Variants in SGK3 observed in about 807,000 individuals in gnomAD.
SGK3 encodes serum/glucocorticoid regulated kinase family member 3.
In SGK3, 47 loss-of-function variants were observed where a neutral mutation model predicts 68.5. That is an observed-to-expected ratio of 0.69 (90% CI 0.54 to 0.87). The LOEUF (loss-of-function observed/expected upper bound fraction) is 0.87, where lower values mean the gene tolerates loss of function less well. Ranked by LOEUF, SGK3 falls within the 40% of genes least tolerant of loss-of-function variation. SGK3 has a pLI of 0.00. For missense variants in SGK3, 479 were observed against 575.5 expected (o/e 0.83, Z 1.72); for synonymous variants, 181 against 189.1 (o/e 0.96, Z 0.35).
chr8:66,801,240 C>T (rs1807932657), intron 3 of SGK3, among the ~76,000 whole-genome samples: 1 of 152,176 alleles, frequency 6.6e-6, no homozygotes, highest in African/African-American at 2.4e-5. Context: ...GTGAGCATTT[C>T]CTTTGAGCAC....
chr8:66,729,413 G>A (rs965118606), intron 1 of SGK3, among the ~76,000 whole-genome samples: 4 of 151,572 alleles, frequency 2.6e-5, no homozygotes, highest in Admixed American at 6.6e-5. Context: ...CCGAGATCGC[G>A]CCACTGCACT....
rs34499404 is a variant in SGK3, at chr8:66,756,569, C to CTTT, written c.-121-37021_-121-37019dup. The stretch of plus-strand genomic sequence containing the variant: ...ATCTTGAAATTGAGGCATGCATCTA[C>CTTT]TTTTTTTTTTTTTTTTTTTTTTTTT... On this transcript the variant is annotated intron_variant, in intron 1 of 16. Transcript: ENST00000521198. Among the ~76,000 whole-genome samples the CTTT allele has an allele frequency of 4.2e-3, 329 of 77,930 alleles. 60 individuals carry two copies. The highest frequency in any genetic ancestry group is 7.5e-3 in the Non-Finnish European group (292 of 38,694). 51.1% of individuals were successfully genotyped at this position (77,930 alleles called of 152,430 possible). A position where few individuals can be genotyped will look rare whatever the true frequency, so the allele number is the denominator to read the frequency against.
chr8:66,796,906 G>A (rs911322069), intron 2 of SGK3, among the ~76,000 whole-genome samples: 1 of 149,626 alleles, frequency 6.7e-6, no homozygotes, highest in African/African-American at 2.5e-5. Context: ...ACTGTTTCCT[G>A]TGAAATCTAA....
chr8:66,774,262 G>C (rs1333194654), intron 1 of SGK3, among the ~76,000 whole-genome samples: 1 of 152,100 alleles, frequency 6.6e-6, no homozygotes, highest in African/African-American at 2.4e-5. Context: ...TTGTAATAAA[G>C]GTTACCGTAT....
intron 1 of SGK3, among the ~76,000 whole-genome samples, chr8:66,750,606 T>C (rs1805784557): frequency 6.6e-6 from 1 of 151,770 alleles, no homozygotes; most frequent in East Asian, 1.9e-4. Context: ...TGAGAATCAC[T>C]TGAACCTGGG....
At chr8:66,717,228 CAAAAAAAACAAAAAA>C (rs1804661706) in intron 1 of SGK3, among the ~76,000 whole-genome samples, 3 of 109,972 alleles carry the variant, frequency 2.7e-5, no homozygotes, top group African/African-American at 1.6e-4. Flanking sequence ...ACAAAAAAAA[CAAAAAAAACAAAAAA>C]AAAACGCTGG....
At position 66,760,463 on chromosome 8, in the gene SGK3, T is replaced by C. The variant is rs192599639; in HGVS notation, c.-121-33153T>C. On this transcript the variant is annotated intron_variant, in intron 1 of 16. Transcript: ENST00000521198. ...CATTCTCCTACCTCAGCCTCCTGAG[T>C]AGCTGGGACTACAGGTGCCCGCCAC... 2.4e-3 allele frequency among the ~76,000 whole-genome samples: 366 copies of C among 151,376 alleles called. 3 individuals carry two copies. The highest frequency in any genetic ancestry group is 8.5e-3 in the African/African-American group (350 of 41,278).
chr8:66,744,510 TA>T (rs1563605632), intron 1 of SGK3, among the ~76,000 whole-genome samples: 100 of 30,650 alleles, frequency 3.3e-3, no homozygotes, highest in African/African-American at 0.01. Context: ...TATATATATA[TA>T]TATATATATT....
rs1209273483 is a variant in SGK3 at position 66,840,114 on chromosome 8, A to G, written c.853A>G (p.Arg285Gly). The change falls in exon 11 of 17, where the codon AGA becomes GGA. Residue 285 changes from arginine (R) to glycine (G), a missense_variant and splice_region_variant. Coordinates refer to ENST00000521198, the MANE Select transcript of SGK3 (RefSeq NM_001033578.3). ...CTTACATTCCATCAAAATAGTATACAGGTACAATTTTAAAATATACTTGTA... is the reference window on the plus strand; with the variant it reads ...CTTACATTCCATCAAAATAGTATACGGGTACAATTTTAAAATATACTTGTA... ...GYLHSIKIVYRDLKPENILLD... is the reference protein window; with the variant it reads ...GYLHSIKIVYGDLKPENILLD... 6.2e-7 allele frequency: 1 copy of G among 1,611,720 alleles called. No individual in the cohort carries two copies. The highest frequency in any genetic ancestry group is 8.5e-7 in the Non-Finnish European group (1 of 1,179,260).
chr8:66,777,513 A>G (rs1806759934), intron 1 of SGK3, among the ~76,000 whole-genome samples: 1 of 152,222 alleles, frequency 6.6e-6, no homozygotes, highest in South Asian at 2.1e-4. Context: ...ACCCAGGAAT[A>G]AAATCTTGAG....
chr8:66,815,124 A>G (rs1327277768), intron 5 of SGK3, among the ~76,000 whole-genome samples: 1 of 152,232 alleles, frequency 6.6e-6, no homozygotes, highest in Non-Finnish European at 1.5e-5. Flanking sequence ...TACCATTTAT[A>G]TGGTTCTTTA....
At chr8:66,816,604 A>C (rs6996237) in intron 5 of SGK3, among the ~76,000 whole-genome samples, 3,755 of 152,204 alleles carry the variant, frequency 0.025, 157 homozygotes, top group African/African-American at 0.084. Flanking sequence ...TCGGCCTCCC[A>C]AAGTGCTGGG....
chr8:66,813,646 T>C (rs1808467596), intron 4 of SGK3, among the ~76,000 whole-genome samples: 1 of 149,226 alleles, frequency 6.7e-6, no homozygotes, highest in Non-Finnish European at 1.5e-5. Context: ...TATAACTACA[T>C]ATATGTAATA....
At chr8:66,856,377 C>T (rs545944489) in intron 16 of SGK3, among the ~76,000 whole-genome samples, 1 of 152,086 alleles carries the variant, frequency 6.6e-6, no homozygotes, top group Non-Finnish European at 1.5e-5. Context: ...CGCTCTCACT[C>T]TTAATAAACC....
chr8:66,797,020 A>C (rs1467645093), intron 2 of SGK3, among the ~76,000 whole-genome samples: 1 of 151,652 alleles, frequency 6.6e-6, no homozygotes, highest in Non-Finnish European at 1.5e-5. Flanking sequence ...TTATTAGTAC[A>C]TATTTAATAA....
At chr8:66,832,178 T>C (rs1223157689) in intron 8 of SGK3, among the ~76,000 whole-genome samples, 1 of 152,190 alleles carries the variant, frequency 6.6e-6, no homozygotes, top group African/African-American at 2.4e-5. Flanking sequence ...TATTTTCTTA[T>C]GGTGTCAGAT....
chr8:66,796,955 T>TA lies in SGK3; in HGVS notation c.97-1586dup, dbSNP rs542560500. Among the ~76,000 whole-genome samples the TA allele has an allele frequency of 8.8e-4, 133 of 151,156 alleles. 1 individual carries two copies. The South Asian group carries it at 9.8e-3, about 11-fold the overall frequency. On this transcript the variant is annotated intron_variant, in intron 2 of 16. Coordinates refer to ENST00000521198, the MANE Select transcript of SGK3 (RefSeq NM_001033578.3). ...AATCTAATCTTGTTTTTTTTTTTTTTACCAATGGAAATATTTTTAAGGATT... is the reference window on the plus strand; with the variant it reads ...AATCTAATCTTGTTTTTTTTTTTTTTAACCAATGGAAATATTTTTAAGGATT...
rs182105766 is a variant in SGK3, at chr8:66,739,032, C to T, written c.-122+26199C>T. Among the ~76,000 whole-genome samples the T allele has an allele frequency of 7.5e-3, 1,140 of 152,278 alleles. 8 individuals are homozygous for T. The highest frequency in any genetic ancestry group is 0.013 in the Non-Finnish European group (877 of 68,020). On this transcript the variant is annotated intron_variant, in intron 1 of 16. Coordinates refer to ENST00000521198, the MANE Select transcript of SGK3 (RefSeq NM_001033578.3). ...TGCCTTTCCCCTGTGTTCCCACTGTCCCACCTCTGGATACATCTATCTTAA... is the reference window on the plus strand; with the variant it reads ...TGCCTTTCCCCTGTGTTCCCACTGTTCCACCTCTGGATACATCTATCTTAA...
In SGK3 at chr8:66,796,944, T is replaced by G. The variant is rs1807722914; in HGVS notation, c.97-1598T>G. 2.1e-5 allele frequency among the ~76,000 whole-genome samples: 3 copies of G among 144,476 alleles called. No homozygotes were observed. The South Asian group carries it at 6.3e-4, about 30-fold the overall frequency. The allele number at this position is 144,476 out of a possible 152,430, so 94.8% of individuals were successfully genotyped here. A position where few individuals can be genotyped will look rare whatever the true frequency, so the allele number is the denominator to read the frequency against. ...ATTTCACAGGAAATCTAATCTTGTT[T>G]TTTTTTTTTTTACCAATGGAAATAT... On this transcript the variant is annotated intron_variant, in intron 2 of 16. Coordinates refer to ENST00000521198, the MANE Select transcript of SGK3 (RefSeq NM_001033578.3).
Sources: allele counts gnomAD v4.1 joint callset (sites outside exome capture counted in the v4.1 genomes callset), GRCh38; gene constraint gnomAD v4.1.1; transcripts MANE v1.5; gene names NCBI Gene and HGNC (gene_info 2026-07-23, HGNC 2026-07-21).